Variants in CNTN5 observed in about 807,000 individuals in gnomAD.
CNTN5 encodes the protein contactin 5.
A neutral mutation model predicts 129.1 loss-of-function variants in CNTN5; 77 were observed. The ratio of observed to expected loss-of-function variants is 0.60; its 90% CI spans 0.50 to 0.72. The LOEUF (loss-of-function observed/expected upper bound fraction) is 0.72, where lower values mean the gene tolerates loss of function less well. CNTN5 is among the 30% of genes least tolerant of loss of function. The pLI, the probability that CNTN5 is intolerant of heterozygous loss-of-function variation, is 0.00. For synonymous variants in CNTN5, 509 were observed against 465.6 expected (o/e 1.09, Z -1.20); for missense variants, 1,478 against 1,328.8 (o/e 1.11, Z -1.75).
chr11:99,147,697 C>T (rs1327472434), intron 1 of CNTN5, among the ~76,000 whole-genome samples: 1 of 152,236 alleles, frequency 6.6e-6, no homozygotes, highest in African/African-American at 2.4e-5. Flanking sequence ...ATTAAAGGGA[C>T]ATTATAATAT....
rs576153905 is a variant in CNTN5 at position 99,573,366 on chromosome 11, C to T, written c.55+17097C>T. Among the ~76,000 whole-genome samples the T allele has an allele frequency of 2.0e-5, 3 of 151,952 alleles. No homozygotes were observed. The South Asian group carries it at 6.2e-4, about 32-fold the overall frequency. On this transcript the variant is annotated intron_variant, in intron 3 of 24. Transcript: ENST00000524871. ...CGGGCGGATCACGAGGTCAGCAGAT[C>T]GAGACCATCCTGGCTAACACAGTGA...
chr11:100,355,094 CTT>C (rs2139048674), intron 24 of CNTN5, among the ~76,000 whole-genome samples: 1 of 151,748 alleles, frequency 6.6e-6, no homozygotes, highest in East Asian at 1.9e-4. Flanking sequence ...ACTTTATAAA[CTT>C]TAAATTTTAT....
intron 1 of CNTN5, among the ~76,000 whole-genome samples, chr11:99,088,723 A>G (rs1241849586): frequency 1.3e-5 from 2 of 152,182 alleles, no homozygotes; most frequent in African/African-American, 4.8e-5. Flanking sequence ...AATGCTGAAG[A>G]CTAGTGGGAA....
At chr11:100,249,407 TG>T (rs1565371134) in intron 16 of CNTN5, among the ~76,000 whole-genome samples, 1 of 152,176 alleles carries the variant, frequency 6.6e-6, no homozygotes, top group Non-Finnish European at 1.5e-5. Flanking sequence ...ATTTGTCATT[TG>T]CTCAGCAGTC....
chr11:99,178,642 TTTAG>T (rs1404692086), intron 1 of CNTN5, among the ~76,000 whole-genome samples: 3 of 152,234 alleles, frequency 2.0e-5, no homozygotes, highest in South Asian at 2.1e-4. Context: ...TACAGTAAAT[TTTAG>T]TTAGAATAAT....
intron 4 of CNTN5, among the ~76,000 whole-genome samples, chr11:99,831,353 A>G (rs1202836772): frequency 6.6e-6 from 1 of 152,148 alleles, no homozygotes; most frequent in Non-Finnish European, 1.5e-5. Context: ...GGTTGGCAAA[A>G]GGTCAGATGA....
intron 3 of CNTN5, among the ~76,000 whole-genome samples, chr11:99,799,806 A>T (rs1346084964): frequency 6.6e-6 from 1 of 151,950 alleles, no homozygotes; most frequent in Non-Finnish European, 1.5e-5. Context: ...TTTTGGAAAA[A>T]ATTGGGTAGA....
chr11:99,088,108 G>A (rs923933688), intron 1 of CNTN5, among the ~76,000 whole-genome samples: 2 of 152,106 alleles, frequency 1.3e-5, no homozygotes, highest in African/African-American at 4.8e-5. Context: ...TTGGGTTCAG[G>A]TACAACTATT....
At chr11:99,671,247 CAG>C (rs1953031001) in intron 3 of CNTN5, among the ~76,000 whole-genome samples, 1 of 151,836 alleles carries the variant, frequency 6.6e-6, no homozygotes, top group African/African-American at 2.4e-5. Context: ...CTTGTAAACA[CAG>C]AGATTGCGTT....
chr11:100,266,679 G>A (rs1263201338), intron 17 of CNTN5, among the ~76,000 whole-genome samples: 2 of 145,898 alleles, frequency 1.4e-5, no homozygotes, highest in East Asian at 4.1e-4. Flanking sequence ...GTGGTGGAAA[G>A]GATATGGACT....
intron 7 of CNTN5, among the ~76,000 whole-genome samples, chr11:99,939,902 A>T (rs932888711): frequency 6.6e-6 from 1 of 152,180 alleles, no homozygotes; most frequent in Admixed American, 6.6e-5. Context: ...TGAAAACTCA[A>T]AGCAGTTAGC....
chr11:99,849,458 C>A (rs1295851812), intron 6 of CNTN5, among the ~76,000 whole-genome samples: 1 of 151,848 alleles, frequency 6.6e-6, no homozygotes, highest in Non-Finnish European at 1.5e-5. Flanking sequence ...TTAAAATGTT[C>A]TGCCTTTCCA....
At chr11:100,171,683 G>A (rs1274556279) in intron 13 of CNTN5, among the ~76,000 whole-genome samples, 1 of 151,978 alleles carries the variant, frequency 6.6e-6, no homozygotes, top group Non-Finnish European at 1.5e-5. Flanking sequence ...CCAGTGCAAA[G>A]TCACTCTGAA....
intron 7 of CNTN5, among the ~76,000 whole-genome samples, chr11:99,953,115 A>T (rs926802046): frequency 6.6e-6 from 1 of 152,186 alleles, no homozygotes; most frequent in Non-Finnish European, 1.5e-5. Context: ...GTTTTCAAAG[A>T]CTTCAGAGAG....
At chr11:99,313,604 C>T (rs556087467) in intron 1 of CNTN5, among the ~76,000 whole-genome samples, 14 of 151,972 alleles carry the variant, frequency 9.2e-5, no homozygotes, top group East Asian at 3.9e-4. Flanking sequence ...GCTCTGTATA[C>T]GAAATAAAAT....
At chr11:99,980,933 C>T (rs978478812) in intron 8 of CNTN5, among the ~76,000 whole-genome samples, 1 of 151,114 alleles carries the variant, frequency 6.6e-6, no homozygotes, top group African/African-American at 2.4e-5. Flanking sequence ...GAAGTATAAA[C>T]AGAAAAGCAA....
At chr11:99,386,130 C>T (rs1940911657) in intron 2 of CNTN5, among the ~76,000 whole-genome samples, 1 of 152,100 alleles carries the variant, frequency 6.6e-6, no homozygotes, top group African/African-American at 2.4e-5. Flanking sequence ...TAGGATTGCT[C>T]TTATTGGACT....
chr11:99,301,799 A>C (rs987291943), intron 1 of CNTN5, among the ~76,000 whole-genome samples: 1 of 151,788 alleles, frequency 6.6e-6, no homozygotes, highest in Non-Finnish European at 1.5e-5. Context: ...CTTAATGTAC[A>C]TGAAACTTCT....
rs1220433913 is a variant in CNTN5, at chr11:99,375,377, ACAG to A, written c.-71+49897_-71+49899del. On this transcript the variant is annotated intron_variant, in intron 2 of 24. Coordinates refer to ENST00000524871, the MANE Select transcript of CNTN5 (RefSeq NM_014361.4). ...ATAGAAAATGGAAGAATTAACAGTT[ACAG>A]CAGGAGGAGTGAAATATTTGATGTG... Among the ~76,000 whole-genome samples, 8 of 151,814 alleles carry A rather than the reference ACAG, an allele frequency of 5.3e-5. No individual in the cohort carries two copies. In the South Asian group the frequency reaches 8.3e-4, roughly 16 times the overall value.
Sources: gnomAD v4.1 joint callset for allele counts (sites outside exome capture counted in the v4.1 genomes callset) on GRCh38, gnomAD v4.1.1 for gene constraint, MANE v1.5 for transcripts, NCBI Gene and HGNC (gene_info 2026-07-23, HGNC 2026-07-21) for gene names.